GRIK3: variants seen among roughly 807,000 people sequenced by gnomAD.
GRIK3 encodes the protein glutamate receptor ionotropic, kainate 3.
In GRIK3, 29 loss-of-function variants were observed where a neutral mutation model predicts 102.5. That is an observed-to-expected ratio of 0.28 (90% CI 0.21 to 0.39). The LOEUF is 0.39. Among genes scored for constraint, GRIK3 ranks in the 10% least tolerant of loss-of-function variants. The pLI is 1.00. For synonymous variants in GRIK3, 511 were observed against 504.9 expected (o/e 1.01, Z -0.16); for missense variants, 908 against 1,252.4 (o/e 0.73, Z 4.15).
intron 1 of GRIK3, among the ~76,000 whole-genome samples, chr1:37,001,630 C>A (rs1642477781): frequency 6.6e-6 from 1 of 152,150 alleles, no homozygotes; most frequent in Non-Finnish European, 1.5e-5. Flanking sequence ...AACGTGGATC[C>A]TCCTCCTTGC....
chr1:37,000,752 C>G (rs1371699536), intron 1 of GRIK3, among the ~76,000 whole-genome samples: 7 of 152,194 alleles, frequency 4.6e-5, no homozygotes, highest in Non-Finnish European at 8.8e-5. Flanking sequence ...AGTCTCCTTT[C>G]CCTTAGGCAG....
At chr1:36,924,937 A>T (rs1490208509) in intron 1 of GRIK3, among the ~76,000 whole-genome samples, 1 of 152,168 alleles carries the variant, frequency 6.6e-6, no homozygotes, top group Non-Finnish European at 1.5e-5. Context: ...CACTCTCAGG[A>T]TAATGGAATC....
intron 13 of GRIK3, among the ~76,000 whole-genome samples, chr1:36,809,951 A>G (rs1642544366): frequency 6.6e-6 from 1 of 152,190 alleles, no homozygotes; most frequent in African/African-American, 2.4e-5. Context: ...TATTACCTCC[A>G]TCACCTTCAG....
intron 1 of GRIK3, among the ~76,000 whole-genome samples, chr1:36,943,031 C>T (rs534423724): frequency 6.6e-6 from 1 of 152,272 alleles, no homozygotes; most frequent in Admixed American, 6.5e-5. Flanking sequence ...CTACACATTC[C>T]CACTCACCAG....
rs909773978 is a variant in GRIK3 at position 36,796,354 on chromosome 1, C to G, written c.*5497G>C. 2 of 152,260 alleles carry G rather than the reference C, an allele frequency of 1.3e-5. No individual in the cohort carries two copies. The highest frequency in any genetic ancestry group is 2.9e-5 in the Non-Finnish European group (2 of 68,080). 9.4% of individuals were successfully genotyped at this position (152,260 alleles called of 1,614,324 possible). On this transcript the variant is annotated 3_prime_UTR_variant, in exon 16 of 16. Transcript: ENST00000373091. ...GCAGACAGATGGAGCCTGGGCTGTG[C>G]TAGGATAGGAGCTACCTTCTTGCCT...
At chr1:36,929,346 T>C (rs187699048) in intron 1 of GRIK3, among the ~76,000 whole-genome samples, 1 of 152,196 alleles carries the variant, frequency 6.6e-6, no homozygotes, top group African/African-American at 2.4e-5. Context: ...GTGAAGGTAC[T>C]GATGGATGCA....
chr1:36,918,059 A>T (rs1641421923), intron 1 of GRIK3, among the ~76,000 whole-genome samples: 1 of 152,216 alleles, frequency 6.6e-6, no homozygotes, highest in African/African-American at 2.4e-5. Flanking sequence ...CTTGAATTTT[A>T]AAAATATAGG....
At chr1:37,030,303 G>A (rs185549673) in intron 1 of GRIK3, among the ~76,000 whole-genome samples, 56 of 152,270 alleles carry the variant, frequency 3.7e-4, no homozygotes, top group African/African-American at 1.2e-3. Context: ...TATACACAGC[G>A]GCTCCCAAAC....
rs1553173907 is a variant in GRIK3 at position 36,814,520 on chromosome 1, CCA to C, written c.2091+2538_2091+2539del. On this transcript the variant is annotated intron_variant, in intron 13 of 15. Coordinates refer to ENST00000373091, the MANE Select transcript of GRIK3 (RefSeq NM_000831.4). ...ATACACATACATAGACCCCCCCCCC[CCA>C]CACACAGAGACACATATGCATGCAT... Among the ~76,000 whole-genome samples the C allele has an allele frequency of 2.2e-5, 3 of 134,238 alleles. No individual in the cohort carries two copies. In the South Asian group the frequency reaches 8.3e-4, roughly 37 times the overall value. The allele number at this position is 134,238 out of a possible 152,430, so 88.1% of individuals were successfully genotyped here.
At chr1:36,860,556 A>G (rs2124240521) in intron 5 of GRIK3, among the ~76,000 whole-genome samples, 1 of 152,224 alleles carries the variant, frequency 6.6e-6, no homozygotes, top group Admixed American at 6.5e-5. Context: ...CTTGCCTCCT[A>G]GGAGCAGCTG....
chr1:37,010,946 T>A (rs183296439), intron 1 of GRIK3, among the ~76,000 whole-genome samples: 165 of 152,116 alleles, frequency 1.1e-3, no homozygotes, highest in African/African-American at 3.9e-3. Context: ...TTTCACCTTG[T>A]TAGCCAGGAT....
intron 1 of GRIK3, among the ~76,000 whole-genome samples, chr1:36,904,421 T>C (rs1641264258): frequency 6.6e-6 from 1 of 152,238 alleles, no homozygotes; most frequent in African/African-American, 2.4e-5. Flanking sequence ...GCAGTGAACA[T>C]GTGTTACATT....
intron 1 of GRIK3, among the ~76,000 whole-genome samples, chr1:36,905,163 G>A (rs492386): frequency 5.1e-4 from 77 of 152,068 alleles, no homozygotes; most frequent in Admixed American, 1.9e-3. Flanking sequence ...AACAAAAAAA[G>A]AAAATACCTT....
At chr1:36,905,201 G>T (rs1641273721) in intron 1 of GRIK3, among the ~76,000 whole-genome samples, 1 of 152,014 alleles carries the variant, frequency 6.6e-6, no homozygotes, top group African/African-American at 2.4e-5. Context: ...CCTATATCAA[G>T]AAAACTACAA....
At chr1:36,969,289 T>G (rs564587221) in intron 1 of GRIK3, among the ~76,000 whole-genome samples, 1 of 152,320 alleles carries the variant, frequency 6.6e-6, no homozygotes, top group East Asian at 1.9e-4. Flanking sequence ...AGGGGCTGTG[T>G]CTGGTCATCC....
At chr1:36,842,068 G>C in intron 9 of GRIK3, 129 bp from the exon 10 acceptor site, 1 of 763,824 alleles carries the variant, frequency 1.3e-6, no homozygotes, top group Non-Finnish European at 2.2e-6. Flanking sequence ...CTTAGACAAA[G>C]GGCCCGTGAA....
intron 1 of GRIK3, among the ~76,000 whole-genome samples, chr1:36,995,564 C>T (rs1557456402): frequency 6.6e-6 from 1 of 152,220 alleles, no homozygotes; most frequent in Non-Finnish European, 1.5e-5. Context: ...TCACTTCTCA[C>T]AAGCCTTCAT....
chr1:36,921,400 A>G (rs1337427519), intron 1 of GRIK3, among the ~76,000 whole-genome samples: 1 of 152,186 alleles, frequency 6.6e-6, no homozygotes, highest in Non-Finnish European at 1.5e-5. Flanking sequence ...TTAGCACATG[A>G]TCATTCTCAA....
chr1:36,856,696 T>TGTG (rs1640656710), intron 7 of GRIK3, among the ~76,000 whole-genome samples: 2 of 152,180 alleles, frequency 1.3e-5, no homozygotes, highest in Non-Finnish European at 2.9e-5. Flanking sequence ...GAAAGGGTTC[T>TGTG]GTGAGGGAGT....
Sources: gnomAD v4.1 joint callset for allele counts (sites outside exome capture counted in the v4.1 genomes callset) on GRCh38, gnomAD v4.1.1 for gene constraint, MANE v1.5 for transcripts, NCBI Gene and HGNC (gene_info 2026-07-23, HGNC 2026-07-21) for gene names.